Variants in GALNT17 observed in about 807,000 individuals in gnomAD.
The protein encoded by GALNT17 is UDP-GalNAc:polypeptide N-acetylgalactosaminyltransferase-like 3.
In GALNT17, 29 loss-of-function variants were observed where a neutral mutation model predicts 63.7. The observed-to-expected ratio is 0.46, with a 90% confidence interval of 0.34 to 0.62. GALNT17 has a LOEUF of 0.62. Among genes scored for constraint, GALNT17 ranks in the 20% least tolerant of loss-of-function variants. The pLI, the probability that GALNT17 is intolerant of heterozygous loss-of-function variation, is 0.01. For missense variants in GALNT17, 603 were observed against 799.6 expected (o/e 0.75, Z 2.97); for synonymous variants, 305 against 318.3 (o/e 0.96, Z 0.45).
chr7:71,471,997 C>CG (rs1364212672), intron 5 of GALNT17, among the ~76,000 whole-genome samples: 1 of 151,544 alleles, frequency 6.6e-6, no homozygotes, highest in Admixed American at 6.6e-5. Flanking sequence ...TAACATATAC[C>CG]GGGTGGCTTA....
intron 5 of GALNT17, among the ~76,000 whole-genome samples, chr7:71,509,984 A>G (rs1788328900): frequency 6.6e-6 from 1 of 151,766 alleles, no homozygotes; most frequent in African/African-American, 2.4e-5. Flanking sequence ...TCTGTCTCTC[A>G]TTCAACCTGG....
chr7:71,416,834 C>A (rs1421215635), intron 4 of GALNT17, among the ~76,000 whole-genome samples: 3 of 152,146 alleles, frequency 2.0e-5, no homozygotes, highest in Non-Finnish European at 2.9e-5. Context: ...TCTTTCACAT[C>A]ATTCGGAGGA....
At chr7:71,630,120 A>T (rs1292784181) in intron 6 of GALNT17, among the ~76,000 whole-genome samples, 1 of 137,050 alleles carries the variant, frequency 7.3e-6, no homozygotes, top group African/African-American at 2.8e-5. Flanking sequence ...CAATGCTGAG[A>T]CTAAAGCCAA....
At chr7:71,446,860 A>C (rs1291152141) in intron 5 of GALNT17, among the ~76,000 whole-genome samples, 4 of 152,138 alleles carry the variant, frequency 2.6e-5, no homozygotes, top group African/African-American at 9.7e-5. Flanking sequence ...TATTCTTTTA[A>C]ATATGCCTTT....
intron 1 of GALNT17, among the ~76,000 whole-genome samples, chr7:71,319,122 C>CTTTCTTTCTTTCTTTCT (rs1241022535): frequency 1.3e-5 from 2 of 151,398 alleles, no homozygotes; most frequent in Admixed American, 1.3e-4. Context: ...TTCTTTCTTT[C>CTTTCTTTCTTTCTTTCT]TTTTTTTTGT....
intron 9 of GALNT17, among the ~76,000 whole-genome samples, chr7:71,696,626 T>A (rs1791549805): frequency 6.6e-6 from 1 of 152,228 alleles, no homozygotes. Context: ...CCTTCAAGGC[T>A]GTTAAATTTG....
chr7:71,525,300 C>T (rs907154891), intron 5 of GALNT17, among the ~76,000 whole-genome samples: 2 of 151,924 alleles, frequency 1.3e-5, no homozygotes, highest in Non-Finnish European at 2.9e-5. Flanking sequence ...CTCAGCCTCC[C>T]AAATAGCTGG....
intron 1 of GALNT17, among the ~76,000 whole-genome samples, chr7:71,201,762 G>A (rs930750454): frequency 4.6e-5 from 7 of 151,706 alleles, no homozygotes; most frequent in East Asian, 1.9e-4. Flanking sequence ...CTTCCGAGTC[G>A]CTGGGATTAC....
At chr7:71,472,619 G>A (rs1225289936) in intron 5 of GALNT17, among the ~76,000 whole-genome samples, 1 of 152,250 alleles carries the variant, frequency 6.6e-6, no homozygotes, top group African/African-American at 2.4e-5. Context: ...CCAGGAGGCA[G>A]AGGTTTCAGT....
In GALNT17 at chr7:71,437,804, T is replaced by G. The variant is rs572373906; in HGVS notation, c.962+16699T>G. Among the ~76,000 whole-genome samples, 70 of 152,288 alleles carry G rather than the reference T, an allele frequency of 4.6e-4. 1 individual carries two copies. The highest frequency in any genetic ancestry group is 1.5e-3 in the South Asian group (7 of 4,822). ...ATCATAGCTCACTGTAACCTTGAAC[T>G]CCTAGGCTCAAGCAATCTTCCCACC... is the stretch of plus-strand genomic sequence containing the variant. On this transcript the variant is annotated intron_variant, in intron 5 of 10. Coordinates refer to ENST00000333538, the MANE Select transcript of GALNT17 (RefSeq NM_022479.3).
intron 1 of GALNT17, among the ~76,000 whole-genome samples, chr7:71,188,691 C>T (rs1788896889): frequency 6.6e-6 from 1 of 152,178 alleles, no homozygotes; most frequent in Non-Finnish European, 1.5e-5. Flanking sequence ...TCTGTTTACT[C>T]TGCTGACTGT....
chr7:71,619,486 TCTC>T (rs1790261906), intron 6 of GALNT17, among the ~76,000 whole-genome samples: 1 of 152,224 alleles, frequency 6.6e-6, no homozygotes, highest in Non-Finnish European at 1.5e-5. Flanking sequence ...GTTTTCTAGT[TCTC>T]CTTGTAGAGA....
At chr7:71,542,145 A>G (rs1441683446) in intron 5 of GALNT17, among the ~76,000 whole-genome samples, 1 of 152,144 alleles carries the variant, frequency 6.6e-6, no homozygotes, top group Non-Finnish European at 1.5e-5. Context: ...TAAATGCCTG[A>G]GATGTGGGGA....
intron 1 of GALNT17, among the ~76,000 whole-genome samples, chr7:71,332,459 A>G (rs151043885): frequency 2.2e-4 from 34 of 152,262 alleles, no homozygotes; most frequent in African/African-American, 7.7e-4. Flanking sequence ...CTGAGAGCAG[A>G]CATAGACTCA....
At chr7:71,381,367 C>T (rs966384582) in intron 2 of GALNT17, among the ~76,000 whole-genome samples, 1 of 152,138 alleles carries the variant, frequency 6.6e-6, no homozygotes, top group Non-Finnish European at 1.5e-5. Flanking sequence ...ATTGATTTCT[C>T]TGTGGAGTAG....
intron 5 of GALNT17, among the ~76,000 whole-genome samples, chr7:71,423,840 G>A (rs915076663): frequency 6.6e-5 from 10 of 152,092 alleles, no homozygotes; most frequent in South Asian, 6.2e-4. Flanking sequence ...GAGGGTTGCT[G>A]GAGCCCAGGA....
chr7:71,638,796 G>C (rs1790564102), intron 6 of GALNT17, among the ~76,000 whole-genome samples: 2 of 152,160 alleles, frequency 1.3e-5, no homozygotes, highest in African/African-American at 4.8e-5. Context: ...GGTGGACAGT[G>C]CTGTTTCATT....
At position 71,347,359 on chromosome 7, in the gene GALNT17, T is replaced by A. The variant is rs543602977; in HGVS notation, c.422+11626T>A. Among the ~76,000 whole-genome samples, 156 of 152,318 alleles carry A rather than the reference T, an allele frequency of 1.0e-3. 1 individual carries two copies. The highest frequency in any genetic ancestry group is 2.0e-3 in the Non-Finnish European group (133 of 68,024). On this transcript the variant is annotated intron_variant, in intron 2 of 10. Transcript: ENST00000333538. ...AGTTTCCTCATATGTAAAATGGTGA[T>A]GTAATCATATCTACTTTATAGAATT...
intron 5 of GALNT17, among the ~76,000 whole-genome samples, chr7:71,520,016 G>A (rs1562673715): frequency 6.6e-6 from 1 of 152,164 alleles, no homozygotes; most frequent in Admixed American, 6.5e-5. Context: ...TACTTACTAT[G>A]TGCTGAGCTT....
Sources: allele counts gnomAD v4.1 joint callset (sites outside exome capture counted in the v4.1 genomes callset), GRCh38; gene constraint gnomAD v4.1.1; transcripts MANE v1.5; gene names NCBI Gene and HGNC (gene_info 2026-07-23, HGNC 2026-07-21).